APP: variants seen among roughly 807,000 people sequenced by gnomAD.
APP encodes the protein amyloid-beta precursor protein.
In APP, 31 loss-of-function variants were observed where a neutral mutation model predicts 101.4. The ratio of observed to expected loss-of-function variants is 0.31; its 90% CI spans 0.23 to 0.41. The LOEUF is 0.41. Among genes scored for constraint, APP ranks in the 10% least tolerant of loss-of-function variants. The pLI is 1.00. For synonymous variants in APP, 366 were observed against 364.4 expected, an observed-to-expected ratio of 1.00 and a Z score of -0.05; for missense variants, 839 against 1,003.7, an observed-to-expected ratio of 0.84 and a Z score of 2.22.
At chr21:25,968,133 T>G (rs1263065442) in intron 11 of APP, among the ~76,000 whole-genome samples, 3 of 152,100 alleles carry the variant, frequency 2.0e-5, no homozygotes, top group African/African-American at 2.4e-5. Flanking sequence ...ATTGTAATAT[T>G]TCAAGTATTT....
intron 1 of APP, among the ~76,000 whole-genome samples, chr21:26,148,317 T>G (rs1043123414): frequency 3.9e-5 from 6 of 152,188 alleles, no homozygotes; most frequent in African/African-American, 1.2e-4. Flanking sequence ...CAGTGCCTGG[T>G]CACCGCTGAA....
intron 5 of APP, among the ~76,000 whole-genome samples, chr21:26,044,303 T>C (rs929120623): frequency 1.3e-5 from 2 of 152,172 alleles, no homozygotes; most frequent in Admixed American, 1.3e-4. Flanking sequence ...GTCCCATCTC[T>C]TTAAAAAGCA....
intron 6 of APP, among the ~76,000 whole-genome samples, chr21:26,013,994 ACAT>A (rs2043937293): frequency 7.0e-6 from 1 of 142,798 alleles, no homozygotes; most frequent in Non-Finnish European, 1.5e-5. Context: ...AGTTCTCTTG[ACAT>A]CATTAGCAAG....
At chr21:26,093,770 T>G (rs1363874156) in intron 2 of APP, among the ~76,000 whole-genome samples, 2 of 152,188 alleles carry the variant, frequency 1.3e-5, no homozygotes, top group African/African-American at 4.8e-5. Context: ...CTTCTCTCTC[T>G]ATAACACCAA....
chr21:25,912,609 T>C (rs1439628525), intron 13 of APP, among the ~76,000 whole-genome samples: 1 of 152,148 alleles, frequency 6.6e-6, no homozygotes, highest in Non-Finnish European at 1.5e-5. Context: ...CAGACAGACA[T>C]CCAGCCTTCT....
chr21:26,041,192 C>T (rs185165392), intron 5 of APP, among the ~76,000 whole-genome samples: 1 of 152,274 alleles, frequency 6.6e-6, no homozygotes, highest in East Asian at 1.9e-4. Flanking sequence ...CAAGTAAAGC[C>T]AACAGTTTTT....
intron 5 of APP, among the ~76,000 whole-genome samples, chr21:26,033,715 A>C (rs1404934006): frequency 1.3e-5 from 2 of 152,234 alleles, no homozygotes; most frequent in East Asian, 3.8e-4. Context: ...AGCTAGCAGA[A>C]GCATGGAGGA....
At chr21:26,070,219 A>T (rs2046619143) in intron 3 of APP, among the ~76,000 whole-genome samples, 1 of 152,236 alleles carries the variant, frequency 6.6e-6, no homozygotes, top group Non-Finnish European at 1.5e-5. Flanking sequence ...AAACACGGAT[A>T]GACCCCCAGA....
chr21:26,104,325 A>G (rs45542036), intron 2 of APP, among the ~76,000 whole-genome samples: 5,832 of 152,258 alleles, frequency 0.038, 235 homozygotes, highest in Admixed American at 0.12. Flanking sequence ...AAAGGGGGGA[A>G]AAATCTCAAA....
intron 6 of APP, among the ~76,000 whole-genome samples, chr21:26,018,268 G>A (rs145803810): frequency 1.6e-4 from 24 of 152,336 alleles, no homozygotes; most frequent in South Asian, 4.1e-4. Context: ...AAGGATGGCT[G>A]TAAATCACAT....
chr21:25,977,210 T>G (rs2146580659), intron 9 of APP, among the ~76,000 whole-genome samples: 1 of 152,362 alleles, frequency 6.6e-6, no homozygotes, highest in Non-Finnish European at 1.5e-5. Flanking sequence ...AGTAAAAGTC[T>G]GCACCTCTGT....
Position 25,969,347 on chromosome 21 carries a change from C to CAA in APP, c.1458+5721_1458+5722dup, listed in dbSNP as rs60834302. On this transcript the variant is annotated intron_variant, in intron 11 of 17. Coordinates refer to ENST00000346798, the MANE Select transcript of APP (RefSeq NM_000484.4). ...TGGGCGACAAAGCAAGACTCTGTCT[C>CAA]AAAAAAAAAAAAAAAAAAAAAAAAA... Among the ~76,000 whole-genome samples, 58 of 55,660 alleles carry CAA rather than the reference C, an allele frequency of 1.0e-3. 2 individuals carry two copies. Among genetic ancestry groups the CAA allele is most frequent in the Non-Finnish European group, 1.7e-3 (44 of 25,492 alleles). The allele number at this position is 55,660 out of a possible 152,430, so 36.5% of individuals were successfully genotyped here. A position where few individuals can be genotyped will look rare whatever the true frequency, so the allele number is the denominator to read the frequency against.
At chr21:25,954,562 T>A in intron 13 of APP, 28 bp downstream of exon 13, 2 of 1,569,590 alleles carry the variant, frequency 1.3e-6, no homozygotes, top group Non-Finnish European at 1.8e-6. Flanking sequence ...CATGTCCATG[T>A]GCAGCATCAA....
chr21:26,048,160 C>CAA (rs901758369), intron 5 of APP, among the ~76,000 whole-genome samples: 1 of 128,706 alleles, frequency 7.8e-6, no homozygotes, highest in African/African-American at 2.9e-5. Flanking sequence ...ACTAAAAGTA[C>CAA]AAAAAAAAAA....
intron 1 of APP, among the ~76,000 whole-genome samples, chr21:26,136,188 A>AGGAAAGGAAAGGAAG (rs369310996): frequency 1.3e-5 from 1 of 76,394 alleles, no homozygotes; most frequent in African/African-American, 1.2e-4. Flanking sequence ...AAAGAAAGAA[A>AGGAAAGGAAAGGAAG]GAAAGAAAGA....
intron 3 of APP, among the ~76,000 whole-genome samples, chr21:26,077,874 C>T (rs960913749): frequency 1.3e-5 from 2 of 151,536 alleles, no homozygotes; most frequent in African/African-American, 4.8e-5. Flanking sequence ...AATGAAACCA[C>T]TCAGTGACTA....
At chr21:26,027,460 G>T (rs1363755690) in intron 5 of APP, among the ~76,000 whole-genome samples, 1 of 152,194 alleles carries the variant, frequency 6.6e-6, no homozygotes, top group African/African-American at 2.4e-5. Context: ...TGAAATTACT[G>T]CTACTAAATT....
intron 17 of APP, among the ~76,000 whole-genome samples, chr21:25,888,680 C>T (rs1384036250): frequency 6.6e-6 from 1 of 152,202 alleles, no homozygotes; most frequent in Non-Finnish European, 1.5e-5. Flanking sequence ...AGGATACCTC[C>T]TGGCTTAAAA....
chr21:26,062,074 T>C (rs2046285120), intron 3 of APP, among the ~76,000 whole-genome samples: 1 of 151,784 alleles, frequency 6.6e-6, no homozygotes. Flanking sequence ...GCTGAGCATG[T>C]TGGCGCGCAC....
Sources: allele counts gnomAD v4.1 joint callset (sites outside exome capture counted in the v4.1 genomes callset), GRCh38; gene constraint gnomAD v4.1.1; transcripts MANE v1.5; gene names NCBI Gene and HGNC (gene_info 2026-07-23, HGNC 2026-07-21).